GNAT3: variants seen among roughly 807,000 people sequenced by gnomAD.
GNAT3 encodes G protein subunit alpha transducin 3, also known as guanine nucleotide-binding protein G(t) subunit alpha-3.
Under a neutral mutation model 37.7 loss-of-function variants are expected in GNAT3, and 31 were observed. That is an observed-to-expected ratio of 0.82 (90% CI 0.62 to 1.11). The LOEUF is 1.11. GNAT3 is among the 50% of genes most tolerant of loss of function. The pLI is 0.00. For synonymous variants in GNAT3, 138 were observed against 139.8 expected (o/e 0.99, Z 0.09); for missense variants, 437 against 412.5 (o/e 1.06, Z -0.51).
Position 80,500,590 on chromosome 7 carries a change from A to G in GNAT3, c.119-5943T>C, listed in dbSNP as rs368365251. ...TCTGTTAACAGGAAACCTATTAATC[A>G]TAAGTCCTTGTTCACTATCTCTAGT... On this transcript the variant is annotated intron_variant, in intron 1 of 7. Transcript: ENST00000398291. Among the ~76,000 whole-genome samples, 127 of 152,152 alleles carry G rather than the reference A, an allele frequency of 8.3e-4. 2 individuals are homozygous for G. In the Middle Eastern group the frequency reaches 0.014, roughly 16 times the overall value.
At position 80,464,945 on chromosome 7, in the gene GNAT3, A is replaced by G. The variant is rs1237619898; in HGVS notation, c.591-2314T>C. ...GTGTGGAAATTTAAATTTGGTGTGT[A>G]TAAAGAATATTATATGTGCTACTAA... On this transcript the variant is annotated intron_variant, in intron 5 of 7. Transcript: ENST00000398291. Among the ~76,000 whole-genome samples the G allele has an allele frequency of 2.0e-5, 3 of 152,244 alleles. No homozygotes were observed. The East Asian group carries it at 5.8e-4, about 29-fold the overall frequency.
intron 3 of GNAT3, chr7:80,487,884 A>G (rs990128373): frequency 1.3e-5 from 2 of 152,138 alleles, no homozygotes; most frequent in Admixed American, 6.5e-5. Flanking sequence ...AAATAATTTT[A>G]TATGTCTGCC....
chr7:80,477,588 G>A (rs1423926140), intron 4 of GNAT3, among the ~76,000 whole-genome samples: 1 of 152,054 alleles, frequency 6.6e-6, no homozygotes, highest in African/African-American at 2.4e-5. Context: ...AGTTTATATA[G>A]CTTATTTTCT....
Position 80,508,748 on chromosome 7 carries a change from G to A in GNAT3, c.118+3061C>T, listed in dbSNP as rs143855565. Among the ~76,000 whole-genome samples the A allele has an allele frequency of 2.4e-3, 371 of 152,054 alleles. 9 individuals are homozygous for A. In the East Asian group the frequency reaches 0.036, roughly 15 times the overall value. ...AAGATGATCCTTTAATTGTAAAGTC[G>A]CACTTTGACCGCTCTTCAGATTCAG... On this transcript the variant is annotated intron_variant, in intron 1 of 7. Transcript: ENST00000398291.
intron 1 of GNAT3, among the ~76,000 whole-genome samples, chr7:80,505,852 T>C (rs899196144): frequency 3.9e-5 from 6 of 152,216 alleles, no homozygotes; most frequent in African/African-American, 1.4e-4. Flanking sequence ...CCTTTAATCC[T>C]ACTTTAGGTT....
intron 5 of GNAT3, among the ~76,000 whole-genome samples, 178 bp from the exon 6 acceptor site, chr7:80,462,809 A>G (rs1004229104): frequency 6.6e-6 from 1 of 152,188 alleles, no homozygotes; most frequent in Admixed American, 6.5e-5. Flanking sequence ...GACTACAGAG[A>G]AAAAACAGTC....
chr7:80,498,883 TAATAAG>T (rs913432765), intron 1 of GNAT3, among the ~76,000 whole-genome samples: 24 of 152,174 alleles, frequency 1.6e-4, no homozygotes, highest in Non-Finnish European at 1.8e-4. Context: ...ATTTTATTTT[TAATAAG>T]AATAAGTAAG....
At chr7:80,474,420 T>C (rs1193342989) in intron 4 of GNAT3, 41 bp from the exon 5 acceptor site, 5 of 856,178 alleles carry the variant, frequency 5.8e-6, no homozygotes, top group Admixed American at 2.4e-5. Flanking sequence ...GTATATATAA[T>C]ACATAAATAC....
Position 80,493,659 on chromosome 7 carries a change from CTCCTCCTCCTCTT to C in GNAT3, c.161+933_161+945del, listed in dbSNP as rs1362728000. Among the ~76,000 whole-genome samples the C allele has an allele frequency of 6.0e-4, 78 of 129,764 alleles. 2 individuals are homozygous for C. Among genetic ancestry groups the C allele is most frequent in the African/African-American group, 2.6e-3 (70 of 26,636 alleles). The allele number at this position is 129,764 out of a possible 152,430, so 85.1% of individuals were successfully genotyped here. A position where few individuals can be genotyped will look rare whatever the true frequency, so the allele number is the denominator to read the frequency against. On this transcript the variant is annotated intron_variant, in intron 2 of 7. Coordinates refer to ENST00000398291, the MANE Select transcript of GNAT3 (RefSeq NM_001102386.3). ...TCTTTCCTCCTCCTCCTCCTCTTTC[CTCCTCCTCCTCTT>C]TCCTCCTCCTCCTCTTTCCTCCTCC... is the stretch of plus-strand genomic sequence containing the variant.
chr7:80,481,533 T>TGAAA (rs1790392315), intron 3 of GNAT3, among the ~76,000 whole-genome samples: 2 of 152,122 alleles, frequency 1.3e-5, no homozygotes, highest in Non-Finnish European at 2.9e-5. Context: ...GAGCAGGCCC[T>TGAAA]GAAAGAAATT....
At chr7:80,458,956 G>T in intron 7 of GNAT3, 95 bp from the exon 8 acceptor site, 1 of 828,504 alleles carries the variant, frequency 1.2e-6, no homozygotes, top group Non-Finnish European at 1.8e-6. Context: ...ATTTTACTTT[G>T]ATATACAAAG....
intron 5 of GNAT3, among the ~76,000 whole-genome samples, chr7:80,467,423 C>T (rs138196901): frequency 2.0e-4 from 31 of 152,234 alleles, no homozygotes; most frequent in African/African-American, 7.0e-4. Flanking sequence ...TGCTCATTAG[C>T]AAATCAGATC....
At chr7:80,509,264 T>A (rs1298634153) in intron 1 of GNAT3, among the ~76,000 whole-genome samples, 1 of 152,120 alleles carries the variant, frequency 6.6e-6, no homozygotes, top group Non-Finnish European at 1.5e-5. Context: ...CTGTTATGAA[T>A]TTGATAATTG....
chr7:80,475,277 T>C (rs1369994117), intron 4 of GNAT3, among the ~76,000 whole-genome samples: 4 of 151,694 alleles, frequency 2.6e-5, no homozygotes, highest in Non-Finnish European at 5.9e-5. Context: ...TTAAATTGTG[T>C]ATGCTATAAC....
chr7:80,488,186 A>G (rs370861377), intron 3 of GNAT3, among the ~76,000 whole-genome samples: 20 of 152,154 alleles, frequency 1.3e-4, no homozygotes, highest in African/African-American at 4.1e-4. Flanking sequence ...TTGAAATGGC[A>G]TAACTAAAAA....
chr7:80,463,678 G>A (rs143624593), intron 5 of GNAT3, among the ~76,000 whole-genome samples: 2 of 151,814 alleles, frequency 1.3e-5, no homozygotes, highest in Non-Finnish European at 2.9e-5. Flanking sequence ...GGTCAGGAAC[G>A]TTATCTGTAT....
At chr7:80,486,734 C>G (rs1458060848) in intron 3 of GNAT3, 1 of 149,194 alleles carries the variant, frequency 6.7e-6, no homozygotes, top group Non-Finnish European at 1.5e-5. Flanking sequence ...CTCAGCCTCC[C>G]AAGATGTTGA....
At position 80,462,635 on chromosome 7, in the gene GNAT3, T is replaced by C. The variant is rs775989244; in HGVS notation, c.591-4A>G. On this transcript the variant is annotated splice_polypyrimidine_tract_variant and splice_region_variant and intron_variant, in intron 5 of 7. Coordinates refer to ENST00000398291, the MANE Select transcript of GNAT3 (RefSeq NM_001102386.3). ...CTGTCCACCTACATCAAACATCCTT[T>C]AAGAAAACATCAAATGAATAATAAA... is the stretch of plus-strand genomic sequence containing the variant. The C allele has an allele frequency of 4.2e-5, 67 of 1,606,038 alleles. No individual in the cohort carries two copies. Among genetic ancestry groups the C allele is most frequent in the Non-Finnish European group, 5.1e-5 (60 of 1,176,116 alleles).
chr7:80,498,013 T>A (rs909532439), intron 1 of GNAT3, among the ~76,000 whole-genome samples: 3 of 152,156 alleles, frequency 2.0e-5, no homozygotes, highest in Non-Finnish European at 4.4e-5. Context: ...AGAAATATTT[T>A]ATTGATTAAG....
Sources: allele counts gnomAD v4.1 joint callset (sites outside exome capture counted in the v4.1 genomes callset), GRCh38; gene constraint gnomAD v4.1.1; transcripts MANE v1.5; gene names NCBI Gene and HGNC (gene_info 2026-07-23, HGNC 2026-07-21).